CCDC28B: variants seen among roughly 807,000 people sequenced by gnomAD.
CCDC28B encodes coiled-coil domain-containing protein 28B.
A neutral mutation model predicts 18.7 loss-of-function variants in CCDC28B; 17 were observed. That is an observed-to-expected ratio of 0.91 (90% CI 0.62 to 1.36). CCDC28B has a LOEUF of 1.36. Among genes scored for constraint, CCDC28B ranks in the 40% most tolerant of loss-of-function variants. The probability of loss-of-function intolerance (pLI) is 0.00; values close to 1 mark genes in which losing one functional copy is unlikely to be tolerated. For missense variants in CCDC28B, 213 were observed against 251.7 expected (o/e 0.85, Z 1.04); for synonymous variants, 116 against 105.1 (o/e 1.10, Z -0.64).
In CCDC28B at chr1:32,205,034, TGAGA is replaced by T; in HGVS notation, c.549-156_549-153del. The stretch of plus-strand genomic sequence containing the variant: ...ACGATCTGGATGAAGAGAGAGGGGG[TGAGA>T]GAGGGCAGGCGGGGACTGCAACCTC... On this transcript the variant is annotated intron_variant, in intron 5 of 5. Transcript: ENST00000373602. The surrounding 1 kb of genome is among the most constrained non-coding windows in gnomAD (Gnocchi z 5.6). 8.6e-7 allele frequency: 1 copy of T among 1,165,492 alleles called. No homozygotes were observed. The highest frequency in any genetic ancestry group is 1.2e-6 in the Non-Finnish European group (1 of 837,360). The allele number at this position is 1,165,492 out of a possible 1,614,324, so 72.2% of individuals were successfully genotyped here.
In CCDC28B at chr1:32,205,213, G is replaced by A; in HGVS notation, c.568G>A (p.Glu190Lys). The change falls in exon 6 of 6, where the codon GAG becomes AAG. Residue 190 changes from glutamate to lysine, a missense_variant. Coordinates refer to ENST00000373602, the MANE Select transcript of CCDC28B (RefSeq NM_024296.5). This position sits in a 1 kb window ranked among gnomAD's most constrained non-coding sequence, Gnocchi z 5.6. The part of the protein sequence containing the change: ...SNSIQKLHLA[E>K]NAEPEEQSAA ...GCACAGCCAGAAGCTGCACCTGGCCGAGAACGCCGAGCCTGAGGAGCAGTC... is the reference window on the plus strand; with the variant it reads ...GCACAGCCAGAAGCTGCACCTGGCCAAGAACGCCGAGCCTGAGGAGCAGTC... 3.1e-6 allele frequency: 5 copies of A among 1,613,932 alleles called. No homozygotes were observed. The highest frequency in any genetic ancestry group is 4.2e-6 in the Non-Finnish European group (5 of 1,179,916).
intron 1 of CCDC28B, 123 bp from the exon 2 acceptor site, chr1:32,201,790 C>A: frequency 1.3e-6 from 1 of 774,578 alleles, no homozygotes; most frequent in Non-Finnish European, 2.1e-6. Flanking sequence ...TCTGCCCCTA[C>A]CGTATAGATG....
At position 32,204,606 on chromosome 1, in the gene CCDC28B, C is replaced by T; in HGVS notation, c.534C>T (p.Asp178=). The change falls in exon 5 of 6, where the codon GAC becomes GAT. Residue 178 remains aspartate, a synonymous_variant. Transcript: ENST00000373602. ...TTTCTCTTTGTTGGCAGCTGGAAGA[C>T]CTCAGTAATTCTATGTATCCTTTCC... ...NLDQLLSNLE[D]LSNSIQKLHL... is the part of the protein sequence containing the mutation. The T allele has an allele frequency of 6.3e-7, 1 of 1,575,512 alleles. No homozygotes were observed. The highest frequency in any genetic ancestry group is 8.6e-7 in the Non-Finnish European group (1 of 1,162,040).
intron 3 of CCDC28B, 51 bp downstream of exon 3, chr1:32,204,096 C>T (rs1643229349): frequency 1.3e-6 from 2 of 1,591,802 alleles, no homozygotes; most frequent in Admixed American, 3.4e-5. Flanking sequence ...GCTGTAGGGC[C>T]CAGTCCATGG....
Position 32,205,354 on chromosome 1 carries a change from G to A in CCDC28B, c.*106G>A. The A allele has an allele frequency of 1.7e-6, 2 of 1,158,982 alleles. No individual in the cohort carries two copies. Among genetic ancestry groups the A allele is most frequent in the Non-Finnish European group, 1.2e-6 (1 of 826,596 alleles). The allele number at this position is 1,158,982 out of a possible 1,614,324, so 71.8% of individuals were successfully genotyped here. On this transcript the variant is annotated 3_prime_UTR_variant, in exon 6 of 6. Transcript: ENST00000373602. This position sits in a 1 kb window ranked among gnomAD's most constrained non-coding sequence, Gnocchi z 5.6. ...CCCCCCAGGTGCTATGGGGGAGGGG[G>A]GCGTTGAATGGAATTAAACCAGAAA...
intron 2 of CCDC28B, 138 bp from the exon 3 acceptor site, chr1:32,203,741 T>C: frequency 1.7e-6 from 1 of 603,776 alleles, no homozygotes; most frequent in Non-Finnish European, 2.6e-6. Flanking sequence ...AAGTTACCCA[T>C]TTATGCTAGT....
chr1:32,199,520 C>T (rs1290126818), upstream of CCDC28B, among the ~76,000 whole-genome samples: 3 of 152,170 alleles, frequency 2.0e-5, no homozygotes, highest in African/African-American at 4.8e-5. Context: ...CTAGCAGCTC[C>T]GGTGGGGAAG....
chr1:32,204,159 A>T, intron 3 of CCDC28B, 27 bp from the exon 4 acceptor site: 1 of 1,613,312 alleles, frequency 6.2e-7, no homozygotes, highest in Middle Eastern at 1.7e-4. Context: ...ACTCTTTCCC[A>T]GGGTTCAGAC....
In CCDC28B at chr1:32,202,037, C is replaced by A; in HGVS notation, c.102C>A (p.Ser34Arg). 6.2e-7 allele frequency: 1 copy of A among 1,613,944 alleles called. No homozygotes were observed. Among genetic ancestry groups the A allele is most frequent in the South Asian group, 1.1e-5 (1 of 91,074 alleles). Residue 34 changes from serine to arginine, a missense_variant, in exon 2 of 6, where the codon AGC (serine) becomes AGA (arginine). Transcript: ENST00000373602. ...GGGTCCCTGTGCCTACCAGCCACAG[C>A]GGCTCCTTGGCCCTAGGACTTCCTC... ...LRRVPVPTSHSGSLALGLPHL... is the reference protein window; with the variant it reads ...LRRVPVPTSHRGSLALGLPHL...
At position 32,201,355 on chromosome 1, in the gene CCDC28B, G is replaced by C. The variant is rs564907841; in HGVS notation, c.-23-558G>C. ...GGGTGGGTGGAAGTGGAGGGATGCCGGTGTCTATGTGGGGGAAACCCACAA... is the reference window on the plus strand; with the variant it reads ...GGGTGGGTGGAAGTGGAGGGATGCCCGTGTCTATGTGGGGGAAACCCACAA... On this transcript the variant is annotated intron_variant, in intron 1 of 5. Coordinates refer to ENST00000373602, the MANE Select transcript of CCDC28B (RefSeq NM_024296.5). Among the ~76,000 whole-genome samples, 7 of 152,252 alleles carry C rather than the reference G, an allele frequency of 4.6e-5. No homozygotes were observed. The East Asian group carries it at 1.4e-3, about 29-fold the overall frequency.
upstream of CCDC28B, among the ~76,000 whole-genome samples, chr1:32,198,449 A>C (rs1643071978): frequency 6.6e-6 from 1 of 152,186 alleles, no homozygotes; most frequent in Non-Finnish European, 1.5e-5. Context: ...CAGCCTCAGG[A>C]TGCTGGCATA....
upstream of CCDC28B, chr1:32,196,618 C>G (rs1643030971): frequency 6.6e-6 from 1 of 152,204 alleles, no homozygotes. Flanking sequence ...TGCAAACTTG[C>G]CAGGGTATTA....
At position 32,205,050 on chromosome 1, in the gene CCDC28B, G is replaced by C. The variant is rs1569684002; in HGVS notation, c.549-144G>C. On this transcript the variant is annotated intron_variant, in intron 5 of 5. Coordinates refer to ENST00000373602, the MANE Select transcript of CCDC28B (RefSeq NM_024296.5). This position sits in a 1 kb window ranked among gnomAD's most constrained non-coding sequence, Gnocchi z 5.6. ...GAGAGGGGGTGAGAGAGGGCAGGCG[G>C]GGACTGCAACCTCAGTCCACAGACG... 3 of 1,180,980 alleles carry C rather than the reference G, an allele frequency of 2.5e-6. No homozygotes were observed. Among genetic ancestry groups the C allele is most frequent in the African/African-American group, 3.1e-5 (2 of 64,822 alleles). The allele number at this position is 1,180,980 out of a possible 1,614,324, so 73.2% of individuals were successfully genotyped here.
intron 4 of CCDC28B, 63 bp from the exon 5 acceptor site, chr1:32,204,535 G>A: frequency 6.6e-7 from 1 of 1,526,514 alleles, no homozygotes; most frequent in Non-Finnish European, 8.8e-7. Flanking sequence ...AGCCCCCAGA[G>A]CATTGGGGAT....
chr1:32,204,564 T>C (rs1209838258), intron 4 of CCDC28B, 34 bp from the exon 5 acceptor site: 4 of 1,543,948 alleles, frequency 2.6e-6, no homozygotes, highest in African/African-American at 1.4e-5. Flanking sequence ...GTTCCCCTCC[T>C]AACAGAAGCC....
At chr1:32,202,760 A>T (rs1269183085) in intron 2 of CCDC28B, 7 of 157,076 alleles carry the variant, frequency 4.5e-5, no homozygotes, top group African/African-American at 1.7e-4. Context: ...GAGCAGTGGA[A>T]ATTTTAAGAC....
intron 2 of CCDC28B, chr1:32,203,139 A>C (rs1012198907): frequency 1.3e-5 from 2 of 151,542 alleles, no homozygotes; most frequent in African/African-American, 2.4e-5. Flanking sequence ...CTCAAACAAA[A>C]AAAAAATTTT....
intron 5 of CCDC28B, 113 bp downstream of exon 5, chr1:32,204,733 C>T: frequency 4.3e-6 from 7 of 1,613,960 alleles, no homozygotes; most frequent in Non-Finnish European, 5.9e-6. Flanking sequence ...CTCTTGCAGT[C>T]CTGTCAGATT....
chr1:32,202,333 G>T, intron 2 of CCDC28B: 1 of 682,918 alleles, frequency 1.5e-6, no homozygotes, highest in Non-Finnish European at 2.7e-6. Context: ...TCAGAGGAGG[G>T]AGTGAGCAAC....
Sources: allele counts gnomAD v4.1 joint callset (sites outside exome capture counted in the v4.1 genomes callset), GRCh38; gene constraint gnomAD v4.1.1; non-coding constraint Gnocchi (gnomAD v3.1); transcripts MANE v1.5; gene names NCBI Gene and HGNC (gene_info 2026-07-23, HGNC 2026-07-21).